WDR3: variants seen among roughly 807,000 people sequenced by gnomAD.
WDR3 encodes the protein WD repeat-containing protein 3.
WDR3 carries 81 observed loss-of-function variants against 123.7 expected under a neutral mutation model. The observed-to-expected ratio is 0.65, with a 90% CI of 0.55 to 0.79. The LOEUF (loss-of-function observed/expected upper bound fraction) is 0.79. Ranked by LOEUF, WDR3 falls within the 30% of genes least tolerant of loss-of-function variation. The pLI, the probability that WDR3 is intolerant of heterozygous loss-of-function variation, is 0.00. For synonymous variants in WDR3, 390 were observed against 388.8 expected, an observed-to-expected ratio of 1.00 and a Z score of -0.04; for missense variants, 1,027 against 1,123.2, an observed-to-expected ratio of 0.91 and a Z score of 1.22.
chr1:117,950,046 T>G lies in WDR3; in HGVS notation c.1662T>G (p.Cys554Trp), dbSNP rs370211968. ...TGCAACTAGATGAAGATGTTCTGTG[T>G]GTCAGTTACTCTCCCAATCAAAAGC... ...RTLQLDEDVL[C>W]VSYSPNQKLL... The change falls in exon 15 of 27, where the codon TGT (cysteine) becomes TGG (tryptophan). Residue 554 changes from cysteine to tryptophan, a missense_variant. Transcript: ENST00000349139. 6.2e-7 allele frequency: 1 copy of G among 1,614,068 alleles called. No individual in the cohort carries two copies.
rs1651489775 is a variant in WDR3, at chr1:117,948,519, G to T, written c.1524+13G>T. 3.7e-6 allele frequency: 6 copies of T among 1,604,504 alleles called. No individual in the cohort carries two copies. Among genetic ancestry groups the T allele is most frequent in the East Asian group, 2.2e-5 (1 of 44,642 alleles). ...CTCTCCAGATCAGGTAACTAAACCA[G>T]ATTTTAAAGCCCTGGAGTTCAGCCC... On this transcript the variant is annotated intron_variant, in intron 13 of 26. Transcript: ENST00000349139.
intron 25 of WDR3, 31 bp from the exon 26 acceptor site, chr1:117,958,879 G>A (rs756326879): frequency 2.5e-5 from 40 of 1,595,680 alleles, no homozygotes; most frequent in Non-Finnish European, 3.4e-5. Context: ...GAACCTCTCT[G>A]CAACATGGCT....
chr1:117,949,960 C>T, intron 14 of WDR3, 35 bp from the exon 15 acceptor site: 3 of 1,613,092 alleles, frequency 1.9e-6, no homozygotes, highest in Non-Finnish European at 2.5e-6. Context: ...TTTGTATACT[C>T]ATTTATTTTT....
chr1:117,944,286 CT>C (rs1411533526), intron 11 of WDR3, among the ~76,000 whole-genome samples: 1 of 152,174 alleles, frequency 6.6e-6, no homozygotes, highest in Non-Finnish European at 1.5e-5. Context: ...CACTCTTTGA[CT>C]TTCATTATTT....
intron 15 of WDR3, 102 bp from the exon 16 acceptor site, chr1:117,950,732 A>C: frequency 1.9e-6 from 2 of 1,036,058 alleles, no homozygotes; most frequent in South Asian, 2.8e-5. Context: ...ACAGATATAA[A>C]GCAATTTAAA....
At chr1:117,932,201 C>G (rs1474541611) in intron 1 of WDR3, among the ~76,000 whole-genome samples, 1 of 152,170 alleles carries the variant, frequency 6.6e-6, no homozygotes, top group Non-Finnish European at 1.5e-5. Flanking sequence ...AATAAAAGTG[C>G]AGAAATTATG....
rs189956853 is a variant in WDR3 at position 117,950,149 on chromosome 1, C to T, written c.1746+19C>T. On this transcript the variant is annotated intron_variant, in intron 15 of 26. Coordinates refer to ENST00000349139, the MANE Select transcript of WDR3 (RefSeq NM_006784.3). ...TTTAAAGGTACAGTGGTTATGCCTG[C>T]GGATATTTTCCCTTTCTGACTGACT... The T allele has an allele frequency of 2.6e-4, 421 of 1,610,568 alleles. 3 individuals carry two copies. The African/African-American group carries it at 4.7e-3, about 18-fold the overall frequency.
chr1:117,935,924 AATAAGAG>A (rs1412674871), intron 3 of WDR3, among the ~76,000 whole-genome samples: 3 of 152,026 alleles, frequency 2.0e-5, no homozygotes, highest in African/African-American at 7.2e-5. Flanking sequence ...CTTACAGTCA[AATAAGAG>A]ATGACACTCT....
chr1:117,948,552 A>G (rs1158829359), intron 13 of WDR3, 46 bp downstream of exon 13: 2 of 1,423,064 alleles, frequency 1.4e-6, no homozygotes, highest in Non-Finnish European at 1.9e-6. Flanking sequence ...CCCTGTGGCT[A>G]CCCTGATTTC....
chr1:117,936,902 G>C lies in WDR3; in HGVS notation c.500+15G>C. 1 of 1,594,654 alleles carries C rather than the reference G, an allele frequency of 6.3e-7. No individual in the cohort carries two copies. Among genetic ancestry groups the C allele is most frequent in the Non-Finnish European group, 8.6e-7 (1 of 1,166,040 alleles). Reference sequence around the variant, plus strand: ...CTAGTTACTAGGTAAAGAAATAATGGTTTAATTTCCAGTTATTTTCTAGGA... The same window carrying C: ...CTAGTTACTAGGTAAAGAAATAATGCTTTAATTTCCAGTTATTTTCTAGGA... On this transcript the variant is annotated intron_variant, in intron 4 of 26. Coordinates refer to ENST00000349139, the MANE Select transcript of WDR3 (RefSeq NM_006784.3).
rs1281333936 is a variant in WDR3 at position 117,965,830 on chromosome 1, C to G, written c.*6383C>G. 6.6e-6 allele frequency: 1 copy of G among 152,204 alleles called. No individual in the cohort carries two copies. The highest frequency in any genetic ancestry group is 1.5e-5 in the Non-Finnish European group (1 of 68,036). 9.4% of individuals were successfully genotyped at this position (152,204 alleles called of 1,614,324 possible). Reference sequence around the variant, plus strand: ...GGATTTAAGATCTTTCATAACTTGACTCCAACCTACTTTCCCACTATATTC... The same window carrying G: ...GGATTTAAGATCTTTCATAACTTGAGTCCAACCTACTTTCCCACTATATTC... On this transcript the variant is annotated 3_prime_UTR_variant, in exon 27 of 27. Coordinates refer to ENST00000349139, the MANE Select transcript of WDR3 (RefSeq NM_006784.3).
intron 6 of WDR3, among the ~76,000 whole-genome samples, chr1:117,939,841 G>T (rs1316320870): frequency 2.0e-5 from 3 of 152,126 alleles, no homozygotes; most frequent in Non-Finnish European, 2.9e-5. Flanking sequence ...GGACCTTTGG[G>T]TGTCCATGGA....
At chr1:117,942,740 A>G (rs1304203884) in intron 10 of WDR3, among the ~76,000 whole-genome samples, 196 bp downstream of exon 10, 1 of 151,984 alleles carries the variant, frequency 6.6e-6, no homozygotes, top group Non-Finnish European at 1.5e-5. Context: ...TTATTATAGT[A>G]CCCTTTTTAG....
intron 3 of WDR3, among the ~76,000 whole-genome samples, chr1:117,936,323 C>G (rs1490087262): frequency 6.6e-6 from 1 of 150,992 alleles, no homozygotes; most frequent in Non-Finnish European, 1.5e-5. Context: ...AGAATGTTCA[C>G]TTCTGCATAT....
rs1253493343 is a variant in WDR3 at position 117,964,033 on chromosome 1, G to C, written c.*4586G>C. The C allele has an allele frequency of 7.2e-7, 1 of 1,392,180 alleles. No individual in the cohort carries two copies. The highest frequency in any genetic ancestry group is 9.8e-7 in the Non-Finnish European group (1 of 1,020,676). 86.2% of individuals were successfully genotyped at this position (1,392,180 alleles called of 1,614,324 possible). ...TTAGAATCATAGAATTTCTTCTCTG[G>C]CAACATCAGTTCAATTTTAGGTAAC... is the stretch of plus-strand genomic sequence containing the variant. On this transcript the variant is annotated 3_prime_UTR_variant, in exon 27 of 27. Transcript: ENST00000349139.
At chr1:117,946,055 A>C in intron 11 of WDR3, 31 bp from the exon 12 acceptor site, 2 of 1,561,608 alleles carry the variant, frequency 1.3e-6, no homozygotes, top group Non-Finnish European at 1.7e-6. Flanking sequence ...GATTCTCTTA[A>C]CATGAGTTCT....
Position 117,934,506 on chromosome 1 carries a change from A to G in WDR3, c.205A>G (p.Thr69Ala). ...CCTTCAGGGGCTTAAACAAGAAGTT[A>G]CTTGCTTATGCCCCTCCCCAGATGG... is the stretch of plus-strand genomic sequence containing the variant. ...LILQGLKQEV[T>A]CLCPSPDGLH... Residue 69 changes from threonine to alanine, a missense_variant, in exon 3 of 27, where the codon ACT becomes GCT. By Grantham distance (58) the Thr-to-Ala change is moderately conservative. Coordinates refer to ENST00000349139, the MANE Select transcript of WDR3 (RefSeq NM_006784.3). 6.2e-7 allele frequency: 1 copy of G among 1,614,122 alleles called. No homozygotes were observed. The highest frequency in any genetic ancestry group is 8.5e-7 in the Non-Finnish European group (1 of 1,179,996).
chr1:117,931,480 GA>G (rs1030495645), intron 1 of WDR3, among the ~76,000 whole-genome samples: 197 of 152,354 alleles, frequency 1.3e-3, no homozygotes, highest in African/African-American at 4.4e-3. Context: ...GAAGAAAAGA[GA>G]GGGGTACCAG....
Position 117,958,971 on chromosome 1 carries a change from G to A in WDR3, c.2644G>A (p.Glu882Lys). The change falls in exon 26 of 27, where the codon GAA becomes AAA. Residue 882 changes from glutamate to lysine, a missense_variant. By Grantham distance (56) the Glu-to-Lys change is moderately conservative. Coordinates refer to ENST00000349139, the MANE Select transcript of WDR3 (RefSeq NM_006784.3). ...MLVPVIEKLR[E>K]TTISKVSQVR... is the part of the protein sequence containing the mutation. ...TGTGCCAGTGATAGAAAAATTAAGG[G>A]AAACAACTATTTCAAAAGTCAGCCA... The A allele has an allele frequency of 6.2e-7, 1 of 1,613,888 alleles. No individual in the cohort carries two copies. Among genetic ancestry groups the A allele is most frequent in the African/African-American group, 1.3e-5 (1 of 74,994 alleles).
Sources: allele counts gnomAD v4.1 joint callset (sites outside exome capture counted in the v4.1 genomes callset), GRCh38; gene constraint gnomAD v4.1.1; transcripts MANE v1.5; gene names NCBI Gene and HGNC (gene_info 2026-07-23, HGNC 2026-07-21).